The following CNTNAP2 variants were observed in gnomAD, a reference collection of about 807,000 sequenced individuals.
The protein encoded by CNTNAP2 is contactin associated protein 2, also known as contactin-associated protein-like 2.
Under a neutral mutation model 155.2 loss-of-function variants are expected in CNTNAP2, and 98 were observed. The observed-to-expected ratio is 0.63, with a 90% CI of 0.54 to 0.75. The LOEUF is 0.75. Ranked by LOEUF, CNTNAP2 falls within the 30% of genes least tolerant of loss-of-function variation. CNTNAP2 has a pLI of 0.00. For synonymous variants in CNTNAP2, 651 were observed against 631.2 expected, an observed-to-expected ratio of 1.03 and a Z score of -0.47; for missense variants, 1,727 against 1,688.1, an observed-to-expected ratio of 1.02 and a Z score of -0.40.
At chr7:146,842,427 A>G (rs1803746115) in intron 3 of CNTNAP2, among the ~76,000 whole-genome samples, 1 of 152,174 alleles carries the variant, frequency 6.6e-6, no homozygotes. Flanking sequence ...GATTATTAGT[A>G]GTGAGCTCAT....
chr7:148,200,341 G>A (rs951436008), intron 18 of CNTNAP2, among the ~76,000 whole-genome samples: 10 of 151,618 alleles, frequency 6.6e-5, no homozygotes, highest in African/African-American at 2.4e-4. Flanking sequence ...CTTTTTAAAT[G>A]TGGCTACAAA....
At position 146,478,566 on chromosome 7, in the gene CNTNAP2, C is replaced by T. The variant is rs192623988; in HGVS notation, c.98-295705C>T. Among the ~76,000 whole-genome samples the T allele has an allele frequency of 2.7e-3, 408 of 151,700 alleles. 3 individuals carry two copies. Among genetic ancestry groups the T allele is most frequent in the African/African-American group, 9.2e-3 (382 of 41,350 alleles). On this transcript the variant is annotated intron_variant, in intron 1 of 23. Coordinates refer to ENST00000361727, the MANE Select transcript of CNTNAP2 (RefSeq NM_014141.6). ...AAATATATTTTTTAAATTCTCCGCA[C>T]CATTGAGTCATCTAAGTGTCACATC... is the stretch of plus-strand genomic sequence containing the variant.
At chr7:146,466,930 A>G (rs959391794) in intron 1 of CNTNAP2, among the ~76,000 whole-genome samples, 4 of 152,170 alleles carry the variant, frequency 2.6e-5, no homozygotes, top group Admixed American at 2.0e-4. Context: ...AAAAATTAAT[A>G]TGGTTTACAC....
intron 3 of CNTNAP2, among the ~76,000 whole-genome samples, chr7:146,956,008 T>C (rs997181022): frequency 6.6e-6 from 1 of 152,064 alleles, no homozygotes; most frequent in African/African-American, 2.4e-5. Context: ...TTTTCATTAA[T>C]AGTGTTCCCC....
chr7:147,574,552 G>A (rs1800352774), intron 12 of CNTNAP2, among the ~76,000 whole-genome samples: 1 of 152,006 alleles, frequency 6.6e-6, no homozygotes, highest in Admixed American at 6.6e-5. Context: ...GAGTGTTCCC[G>A]TTTTAGGACT....
At chr7:147,347,032 T>C (rs1282976735) in intron 9 of CNTNAP2, among the ~76,000 whole-genome samples, 4 of 152,166 alleles carry the variant, frequency 2.6e-5, no homozygotes, top group African/African-American at 9.7e-5. Context: ...AAAACATGAA[T>C]TCCTACATGG....
intron 11 of CNTNAP2, among the ~76,000 whole-genome samples, chr7:147,503,425 A>C (rs545319557): frequency 5.4e-4 from 82 of 152,256 alleles, no homozygotes; most frequent in African/African-American, 1.3e-3. Flanking sequence ...CGATCCCATC[A>C]TGAGTTTGGG....
At position 147,286,841 on chromosome 7, in the gene CNTNAP2, A is replaced by G. The variant is rs146327436; in HGVS notation, c.1349-13300A>G. 1.3e-4 allele frequency among the ~76,000 whole-genome samples: 20 copies of G among 152,078 alleles called. No individual in the cohort carries two copies. The East Asian group carries it at 3.3e-3, about 25-fold the overall frequency. ...TCAACATTCTCCTTCACATTCTCAA[A>G]TCTAATGTTCACTTCTCCTCCTTGT... On this transcript the variant is annotated intron_variant, in intron 8 of 23. Coordinates refer to ENST00000361727, the MANE Select transcript of CNTNAP2 (RefSeq NM_014141.6).
intron 10 of CNTNAP2, among the ~76,000 whole-genome samples, chr7:147,483,627 A>G (rs1327128814): frequency 1.3e-5 from 2 of 152,224 alleles, no homozygotes; most frequent in Admixed American, 6.5e-5. Flanking sequence ...TTTCAATATT[A>G]GGCTGAGCTA....
At chr7:147,697,042 A>G (rs1175045829) in intron 13 of CNTNAP2, among the ~76,000 whole-genome samples, 1 of 151,914 alleles carries the variant, frequency 6.6e-6, no homozygotes, top group African/African-American at 2.4e-5. Context: ...CTGTAGTTTG[A>G]TGTCTGCAAT....
At chr7:147,710,417 T>C in intron 13 of CNTNAP2, among the ~76,000 whole-genome samples, 1 of 152,190 alleles carries the variant, frequency 6.6e-6, no homozygotes, top group East Asian at 1.9e-4. Flanking sequence ...TAATGCTTCA[T>C]GCTTCATATA....
intron 1 of CNTNAP2, among the ~76,000 whole-genome samples, chr7:146,501,281 G>A (rs975999662): frequency 3.3e-5 from 5 of 152,028 alleles, no homozygotes; most frequent in Non-Finnish European, 7.4e-5. Context: ...AAGTGTTTGC[G>A]AAGGATTACT....
intron 11 of CNTNAP2, among the ~76,000 whole-genome samples, chr7:147,558,414 A>G (rs965792765): frequency 3.3e-5 from 5 of 152,162 alleles, no homozygotes; most frequent in Admixed American, 2.6e-4. Context: ...GATGAAATCT[A>G]TGCTTCTCCA....
At chr7:148,056,666 T>A (rs1221705425) in intron 15 of CNTNAP2, 1 of 152,150 alleles carries the variant, frequency 6.6e-6, no homozygotes, top group African/African-American at 2.4e-5. Context: ...TCCCGCAACA[T>A]TGATGGGGTA....
At chr7:146,759,733 T>G (rs1178045914) in intron 1 of CNTNAP2, among the ~76,000 whole-genome samples, 397 of 117,862 alleles carry the variant, frequency 3.4e-3, no homozygotes, top group Middle Eastern at 0.03. Context: ...TGGGGTGGGG[T>G]GTGAGAGCAA....
chr7:147,897,919 A>G (rs1192224434), intron 13 of CNTNAP2, among the ~76,000 whole-genome samples: 3 of 152,200 alleles, frequency 2.0e-5, no homozygotes, highest in Non-Finnish European at 2.9e-5. Context: ...GAAAGCAAAC[A>G]CAGCCCCCGC....
chr7:147,576,915 A>G (rs1800406449), intron 12 of CNTNAP2, among the ~76,000 whole-genome samples: 1 of 151,976 alleles, frequency 6.6e-6, no homozygotes, highest in East Asian at 1.9e-4. Context: ...CCTTACACCA[A>G]CCCTTGGATA....
chr7:146,756,395 G>A (rs1437471693), intron 1 of CNTNAP2, among the ~76,000 whole-genome samples: 1 of 151,828 alleles, frequency 6.6e-6, no homozygotes, highest in East Asian at 1.9e-4. Context: ...TTATCTTCTG[G>A]GCAAAATTAG....
At chr7:147,626,542 C>T (rs1011608742) in intron 12 of CNTNAP2, among the ~76,000 whole-genome samples, 1 of 152,132 alleles carries the variant, frequency 6.6e-6, no homozygotes, top group Non-Finnish European at 1.5e-5. Flanking sequence ...TCTTTACCCA[C>T]CCTAGTAGCT....
Sources: gnomAD v4.1 joint callset for allele counts (sites outside exome capture counted in the v4.1 genomes callset) on GRCh38, gnomAD v4.1.1 for gene constraint, MANE v1.5 for transcripts, NCBI Gene and HGNC (gene_info 2026-07-23, HGNC 2026-07-21) for gene names.